ST6GALNAC5: variants seen among roughly 807,000 people sequenced by gnomAD.
ST6GALNAC5 encodes the protein ST6 N-acetylgalactosaminide alpha-2,6-sialyltransferase 5, also known as alpha-N-acetylgalactosaminide alpha-2,6-sialyltransferase 5.
ST6GALNAC5 carries 27 observed loss-of-function variants against 33.6 expected under a neutral mutation model. The observed-to-expected ratio is 0.80, with a 90% CI of 0.59 to 1.11. The LOEUF is 1.11. Among genes scored for constraint, ST6GALNAC5 ranks in the 50% least tolerant of loss-of-function variants. The pLI, the probability that ST6GALNAC5 is intolerant of heterozygous loss-of-function variation, is 0.00. For missense variants in ST6GALNAC5, 428 were observed against 454.0 expected (o/e 0.94, Z 0.52); for synonymous variants, 194 against 171.2 (o/e 1.13, Z -1.04).
chr1:77,022,562 A>G (rs903905676), intron 2 of ST6GALNAC5, among the ~76,000 whole-genome samples: 1 of 152,234 alleles, frequency 6.6e-6, no homozygotes, highest in Admixed American at 6.5e-5. Flanking sequence ...AGTTTATAGG[A>G]AACTCAAAGG....
chr1:77,003,830 T>C (rs1429126254), intron 2 of ST6GALNAC5, among the ~76,000 whole-genome samples: 1 of 149,068 alleles, frequency 6.7e-6, no homozygotes, highest in Non-Finnish European at 1.5e-5. Context: ...CCCACTCTCT[T>C]CTGGCTTGTA....
intron 2 of ST6GALNAC5, among the ~76,000 whole-genome samples, chr1:76,870,924 T>A (rs1403245): frequency 0.03 from 4,517 of 152,156 alleles, 214 homozygotes; most frequent in African/African-American, 0.1. Context: ...ATTATCCCAA[T>A]TGTCCCACTG....
At position 77,051,714 on chromosome 1, in the gene ST6GALNAC5, A is replaced by T. The variant is rs148091651; in HGVS notation, c.779+1349A>T. On this transcript the variant is annotated intron_variant, in intron 4 of 4. Transcript: ENST00000477717. Reference sequence around the variant, plus strand: ...ACTGGCCCTGTGTCCCTGTTTAACAATCTATACACAAAAAGTAAGTAGAAT... The same window carrying T: ...ACTGGCCCTGTGTCCCTGTTTAACATTCTATACACAAAAAGTAAGTAGAAT... 4.7e-3 allele frequency among the ~76,000 whole-genome samples: 715 copies of T among 152,288 alleles called. 3 individuals are homozygous for T. Among genetic ancestry groups the T allele is most frequent in the Non-Finnish European group, 6.4e-3 (432 of 68,024 alleles).
At chr1:76,974,479 G>T (rs1275713702) in intron 2 of ST6GALNAC5, among the ~76,000 whole-genome samples, 1 of 151,794 alleles carries the variant, frequency 6.6e-6, no homozygotes, top group African/African-American at 2.4e-5. Context: ...TTGGGTTCCA[G>T]GCATGAGCTA....
chr1:76,993,146 A>G (rs1270420029), intron 2 of ST6GALNAC5, among the ~76,000 whole-genome samples: 9 of 152,136 alleles, frequency 5.9e-5, no homozygotes, highest in Non-Finnish European at 1.2e-4. Flanking sequence ...TGCTTCAAGA[A>G]GCATCTCAAA....
chr1:77,048,904 G>C (rs930992634), intron 3 of ST6GALNAC5, among the ~76,000 whole-genome samples: 1 of 152,018 alleles, frequency 6.6e-6, no homozygotes, highest in African/African-American at 2.4e-5. Flanking sequence ...CTTGCCTCAG[G>C]TCATCCAGCT....
intron 2 of ST6GALNAC5, among the ~76,000 whole-genome samples, chr1:76,935,460 AC>A (rs1302110858): frequency 6.6e-6 from 1 of 152,062 alleles, no homozygotes; most frequent in Non-Finnish European, 1.5e-5. Context: ...TTCAGTGAGT[AC>A]GTCAGAGCAT....
chr1:76,882,649 G>T (rs1653807467), intron 2 of ST6GALNAC5, among the ~76,000 whole-genome samples: 1 of 152,134 alleles, frequency 6.6e-6, no homozygotes, highest in Admixed American at 6.5e-5. Context: ...AGACTGAAAT[G>T]CAGTGCCAAA....
chr1:77,022,901 A>G (rs1651106812), intron 2 of ST6GALNAC5, among the ~76,000 whole-genome samples: 1 of 152,154 alleles, frequency 6.6e-6, no homozygotes, highest in African/African-American at 2.4e-5. Flanking sequence ...CATGGGCCAC[A>G]TTGTGTCTCC....
At chr1:77,002,564 T>G (rs1650216647) in intron 2 of ST6GALNAC5, among the ~76,000 whole-genome samples, 1 of 150,018 alleles carries the variant, frequency 6.7e-6, no homozygotes, top group African/African-American at 2.4e-5. Flanking sequence ...GCTTTTCTAG[T>G]TCTTTTAATT....
intron 2 of ST6GALNAC5, among the ~76,000 whole-genome samples, chr1:76,983,254 A>G (rs1649332365): frequency 6.6e-6 from 1 of 152,236 alleles, no homozygotes; most frequent in South Asian, 2.1e-4. Context: ...AGTGTGCTGT[A>G]TTCAGGAGAC....
Position 77,063,230 on chromosome 1 carries a change from T to A in ST6GALNAC5, c.*24T>A. On this transcript the variant is annotated 3_prime_UTR_variant, in exon 5 of 5. Transcript: ENST00000477717. ...AAGGAATGAGCATGCCAGACTGTAA[T>A]CCCAGGTATTCACTGCATCAGACAC... is the stretch of plus-strand genomic sequence containing the variant. The A allele has an allele frequency of 6.2e-7, 1 of 1,603,182 alleles. No individual in the cohort carries two copies. Among genetic ancestry groups the A allele is most frequent in the Non-Finnish European group, 8.5e-7 (1 of 1,170,950 alleles).
intron 2 of ST6GALNAC5, among the ~76,000 whole-genome samples, chr1:76,907,121 C>G (rs901369802): frequency 6.6e-5 from 10 of 152,134 alleles, no homozygotes; most frequent in Non-Finnish European, 1.0e-4. Context: ...TGCTAACAAG[C>G]CTTCTTGTAG....
At chr1:76,930,844 T>G (rs1178901394) in intron 2 of ST6GALNAC5, among the ~76,000 whole-genome samples, 1 of 152,156 alleles carries the variant, frequency 6.6e-6, no homozygotes, top group African/African-American at 2.4e-5. Flanking sequence ...AAAATATTTA[T>G]GAAGCCTATA....
intron 2 of ST6GALNAC5, among the ~76,000 whole-genome samples, chr1:77,040,658 T>G (rs1213746306): frequency 3.3e-5 from 5 of 152,202 alleles, no homozygotes; most frequent in African/African-American, 1.2e-4. Context: ...CAAAGCAGAA[T>G]AATTAATTAA....
chr1:76,869,641 T>C (rs1183810132), intron 2 of ST6GALNAC5, among the ~76,000 whole-genome samples: 1 of 152,196 alleles, frequency 6.6e-6, no homozygotes, highest in Non-Finnish European at 1.5e-5. Flanking sequence ...TTTGTGGTTG[T>C]GAACCGAAGT....
chr1:76,923,014 G>A (rs779692063), intron 2 of ST6GALNAC5, among the ~76,000 whole-genome samples: 8 of 151,868 alleles, frequency 5.3e-5, no homozygotes, highest in Non-Finnish European at 1.2e-4. Context: ...CTTAAATAAT[G>A]TTGGTGCAAT....
At chr1:76,948,223 G>C (rs1197303268) in intron 2 of ST6GALNAC5, among the ~76,000 whole-genome samples, 1 of 152,118 alleles carries the variant, frequency 6.6e-6, no homozygotes, top group Non-Finnish European at 1.5e-5. Flanking sequence ...GCATGCATCA[G>C]GGCCTAGCCA....
intron 2 of ST6GALNAC5, among the ~76,000 whole-genome samples, chr1:76,928,702 C>A (rs1647108797): frequency 6.6e-6 from 1 of 152,150 alleles, no homozygotes; most frequent in South Asian, 2.1e-4. Context: ...TCATCTGTCA[C>A]CTTTGCTCTT....
Sources: gnomAD v4.1 joint callset for allele counts (sites outside exome capture counted in the v4.1 genomes callset) on GRCh38, gnomAD v4.1.1 for gene constraint, MANE v1.5 for transcripts, NCBI Gene and HGNC (gene_info 2026-07-23, HGNC 2026-07-21) for gene names.